CLBA1: variants seen among roughly 807,000 people sequenced by gnomAD.
CLBA1 encodes uncharacterized protein CLBA1.
In CLBA1, 30 loss-of-function variants were observed where a neutral mutation model predicts 28.8. That is an observed-to-expected ratio of 1.04 (90% CI 0.78 to 1.41). CLBA1 has a LOEUF of 1.41. CLBA1 is among the 40% of genes most tolerant of loss of function. CLBA1 has a pLI of 0.00. For missense variants in CLBA1, 451 were observed against 412.3 expected (o/e 1.09, Z -0.81); for synonymous variants, 160 against 152.8 (o/e 1.05, Z -0.35).
intron 3 of CLBA1, among the ~76,000 whole-genome samples, chr14:104,991,924 C>T (rs953869234): frequency 5.9e-5 from 9 of 151,940 alleles, no homozygotes; most frequent in African/African-American, 1.9e-4. Context: ...CCACTGCCGC[C>T]GCCACGCACA....
At position 104,986,338 on chromosome 14, in the gene CLBA1, G is replaced by T; in HGVS notation, c.-94G>T. Reference sequence around the variant, plus strand: ...CGTCCCCTGGCCCTCTCCAGGGCAGGGGAAGGTTGGGCAGTCCTGGGCGGC... The same window carrying T: ...CGTCCCCTGGCCCTCTCCAGGGCAGTGGAAGGTTGGGCAGTCCTGGGCGGC... On this transcript the variant is annotated 5_prime_UTR_variant, in exon 1 of 5. Coordinates refer to ENST00000547315, the MANE Select transcript of CLBA1 (RefSeq NM_174891.4). 1 of 1,360,350 alleles carries T rather than the reference G, an allele frequency of 7.4e-7. No individual in the cohort carries two copies. Among genetic ancestry groups the T allele is most frequent in the Non-Finnish European group, 9.9e-7 (1 of 1,006,398 alleles). 84.3% of individuals were successfully genotyped at this position (1,360,350 alleles called of 1,614,324 possible).
At position 104,986,523 on chromosome 14, in the gene CLBA1, T is replaced by A; in HGVS notation, c.92T>A (p.Leu31Gln). The change falls in exon 1 of 5, where the codon CTG (leucine) becomes CAG (glutamine). Residue 31 changes from leucine (L) to glutamine (Q), a missense_variant. Transcript: ENST00000547315. Reference sequence around the variant, plus strand: ...TCCCTCCGAGTGGCACCTGAGAGGCTGAGTGATGACAGTTTGGAATGGAGA... The same window carrying A: ...TCCCTCCGAGTGGCACCTGAGAGGCAGAGTGATGACAGTTTGGAATGGAGA... ...SASLRVAPER[L>Q]SDDSLEWRRT... is the part of the protein sequence containing the mutation. 1 of 1,613,820 alleles carries A rather than the reference T, an allele frequency of 6.2e-7. No homozygotes were observed. Among genetic ancestry groups the A allele is most frequent in the Non-Finnish European group, 8.5e-7 (1 of 1,179,978 alleles).
chr14:104,995,345 T>C lies in CLBA1; in HGVS notation c.*586T>C. On this transcript the variant is annotated 3_prime_UTR_variant, in exon 5 of 5. Coordinates refer to ENST00000547315, the MANE Select transcript of CLBA1 (RefSeq NM_174891.4). ...GCCCAGCAGCCTCAAGGACAGGCCT[T>C]TGTCCCTCACGGTTGTGGACAGGAG... 2.0e-6 allele frequency: 2 copies of C among 985,470 alleles called. No homozygotes were observed. The highest frequency in any genetic ancestry group is 2.4e-6 in the Non-Finnish European group (2 of 829,962). The allele number at this position is 985,470 out of a possible 1,614,324, so 61.0% of individuals were successfully genotyped here.
In CLBA1 at chr14:104,995,476, T is replaced by C; in HGVS notation, c.*717T>C. The C allele has an allele frequency of 1.0e-6, 1 of 985,458 alleles. No homozygotes were observed. Among genetic ancestry groups the C allele is most frequent in the Non-Finnish European group, 1.2e-6 (1 of 829,936 alleles). The allele number at this position is 985,458 out of a possible 1,614,324, so 61.0% of individuals were successfully genotyped here. Reference sequence around the variant, plus strand: ...AAGGGCAGAGCCAAGAAGTCAGCCCTGACTTTTGTAAAATTTTACTAAATA... The same window carrying C: ...AAGGGCAGAGCCAAGAAGTCAGCCCCGACTTTTGTAAAATTTTACTAAATA... On this transcript the variant is annotated 3_prime_UTR_variant, in exon 5 of 5. Coordinates refer to ENST00000547315, the MANE Select transcript of CLBA1 (RefSeq NM_174891.4).
chr14:105,000,451 T>C (rs1477074349), downstream of CLBA1, among the ~76,000 whole-genome samples: 1 of 151,996 alleles, frequency 6.6e-6, no homozygotes, highest in Non-Finnish European at 1.5e-5. Flanking sequence ...TTTGTATTTT[T>C]AGTAGAGACA....
chr14:104,994,286 T>TAGTGGCAG, intron 4 of CLBA1: 1 of 985,238 alleles, frequency 1.0e-6, no homozygotes, highest in Non-Finnish European at 1.2e-6. Flanking sequence ...GTGTGCAGGG[T>TAGTGGCAG]AGTGGCAGCC....
chr14:104,993,723 C>T lies in CLBA1; in HGVS notation c.816+659C>T, dbSNP rs546033621. 42 of 985,464 alleles carry T rather than the reference C, an allele frequency of 4.3e-5. No homozygotes were observed. In the East Asian group the frequency reaches 4.2e-3, roughly 98 times the overall value. The allele number at this position is 985,464 out of a possible 1,614,324, so 61.0% of individuals were successfully genotyped here. ...TGCAGGAGGGGTGAGATGGCCAGGC[C>T]TAGCTCACCTGGTTTCCTGCTCACC... On this transcript the variant is annotated intron_variant, in intron 4 of 4. Coordinates refer to ENST00000547315, the MANE Select transcript of CLBA1 (RefSeq NM_174891.4).
chr14:104,994,355 G>A, intron 4 of CLBA1: 3 of 985,460 alleles, frequency 3.0e-6, no homozygotes, highest in Non-Finnish European at 3.6e-6. Flanking sequence ...TAAGATGTGG[G>A]CCCACTGCTG....
In CLBA1 at chr14:104,986,304, C is replaced by T. The variant is rs1899852659; in HGVS notation, c.-128C>T. The T allele has an allele frequency of 1.0e-6, 1 of 1,001,782 alleles. No individual in the cohort carries two copies. Among genetic ancestry groups the T allele is most frequent in the Non-Finnish European group, 1.4e-6 (1 of 697,402 alleles). The allele number at this position is 1,001,782 out of a possible 1,614,324, so 62.1% of individuals were successfully genotyped here. On this transcript the variant is annotated 5_prime_UTR_variant, in exon 1 of 5. Transcript: ENST00000547315. ...GTCAGCCACTGGGCAGCCCGGGGCA[C>T]TCCTGCAGCGTCCCCTGGCCCTCTC...
At chr14:104,992,443 C>A (rs1900060634) in intron 3 of CLBA1, among the ~76,000 whole-genome samples, 1 of 152,268 alleles carries the variant, frequency 6.6e-6, no homozygotes, top group Non-Finnish European at 1.5e-5. Context: ...GCCAGCCAGG[C>A]AGGCAGATTG....
At chr14:104,998,724 T>G (rs539436393), downstream of CLBA1, among the ~76,000 whole-genome samples, 1 of 152,324 alleles carries the variant, frequency 6.6e-6, no homozygotes, top group Admixed American at 6.5e-5. Flanking sequence ...CCTTTCACAG[T>G]GAGTGTGGCT....
At chr14:104,996,499 G>A (rs1007357871), downstream of CLBA1, among the ~76,000 whole-genome samples, 3 of 152,204 alleles carry the variant, frequency 2.0e-5, no homozygotes, top group South Asian at 2.1e-4. Context: ...CCTCGAGAAC[G>A]CCCCTCTCAC....
Position 104,994,782 on chromosome 14 carries a change from T to C in CLBA1, c.*23T>C, listed in dbSNP as rs564296100. 4 of 1,576,336 alleles carry C rather than the reference T, an allele frequency of 2.5e-6. No individual in the cohort carries two copies. The South Asian group carries it at 3.5e-5, about 14-fold the overall frequency. Reference sequence around the variant, plus strand: ...TAAAATCAGGAGGACTTTGTACCTTTATGAGGAATTTTTCATTTTCTTCCT... The same window carrying C: ...TAAAATCAGGAGGACTTTGTACCTTCATGAGGAATTTTTCATTTTCTTCCT... On this transcript the variant is annotated 3_prime_UTR_variant, in exon 5 of 5. Coordinates refer to ENST00000547315, the MANE Select transcript of CLBA1 (RefSeq NM_174891.4).
At position 104,988,638 on chromosome 14, in the gene CLBA1, C is replaced by T. The variant is rs114649743; in HGVS notation, c.424-305C>T. Among the ~76,000 whole-genome samples, 744 of 152,282 alleles carry T rather than the reference C, an allele frequency of 4.9e-3. 5 individuals are homozygous for T. Among genetic ancestry groups the T allele is most frequent in the African/African-American group, 0.017 (704 of 41,558 alleles). On this transcript the variant is annotated intron_variant, in intron 1 of 4. Transcript: ENST00000547315. ...ACAGGCGTGAGCCACCGCGCCCGGCCGCATGTATAATTTCTTAACCAAACT... is the reference window on the plus strand; with the variant it reads ...ACAGGCGTGAGCCACCGCGCCCGGCTGCATGTATAATTTCTTAACCAAACT...
chr14:104,993,863 G>A (rs901988704), intron 4 of CLBA1: 1 of 985,344 alleles, frequency 1.0e-6, no homozygotes, highest in Non-Finnish European at 1.2e-6. Context: ...AGGCGCAGGG[G>A]TAAAGTACTG....
chr14:105,001,111 T>C (rs1350449384), intron 2 of CLBA1, among the ~76,000 whole-genome samples: 2 of 150,026 alleles, frequency 1.3e-5, no homozygotes, highest in East Asian at 1.9e-4. Flanking sequence ...CATTTGCAAC[T>C]GTCTAGATGA....
intron 1 of CLBA1, among the ~76,000 whole-genome samples, chr14:104,987,283 T>C (rs988601481): frequency 3.3e-5 from 5 of 152,270 alleles, no homozygotes; most frequent in African/African-American, 4.8e-5. Flanking sequence ...TTGTAATGAA[T>C]TGGGTGACGC....
chr14:104,991,423 GGCCGTGCCTCAT>G, intron 2 of CLBA1, 56 bp from the exon 3 acceptor site: 1 of 1,598,302 alleles, frequency 6.3e-7, no homozygotes, highest in African/African-American at 1.3e-5. Context: ...GCGTGCCTCG[GGCCGTGCCTCAT>G]GATCTCCTCA....
Position 104,991,612 on chromosome 14 carries a change from G to A in CLBA1, c.691G>A (p.Ala231Thr), listed in dbSNP as rs373780540. ...CTTTCTTGTTCTCGGAATAGATGCT[G>A]CGCAGAAGGTAGGCGGTTTGGGTTG... is the stretch of plus-strand genomic sequence containing the variant. Reference protein sequence around the residue: ...NFFLVLGIDAAQKNLSGGQGH... With the variant: ...NFFLVLGIDATQKNLSGGQGH... The change falls in exon 3 of 5, where the codon GCG becomes ACG. Residue 231 changes from alanine (A) to threonine (T), a missense_variant. Physicochemically the swap from Ala to Thr is moderately conservative, Grantham distance 58. Coordinates refer to ENST00000547315, the MANE Select transcript of CLBA1 (RefSeq NM_174891.4). 2 of 1,610,946 alleles carry A rather than the reference G, an allele frequency of 1.2e-6. No individual in the cohort carries two copies. Among genetic ancestry groups the A allele is most frequent in the Non-Finnish European group, 1.7e-6 (2 of 1,178,516 alleles).
Sources: allele counts gnomAD v4.1 joint callset (sites outside exome capture counted in the v4.1 genomes callset), GRCh38; gene constraint gnomAD v4.1.1; transcripts MANE v1.5; gene names NCBI Gene and HGNC (gene_info 2026-07-23, HGNC 2026-07-21).